Variants in THOC2 observed in about 807,000 individuals in gnomAD.
THOC2 encodes THO complex subunit 2.
THOC2 carries 10 observed loss-of-function variants against 128.4 expected under a neutral mutation model. The observed-to-expected ratio is 0.08, with a 90% CI of 0.05 to 0.13. The LOEUF is 0.13. Among genes scored for constraint, THOC2 ranks in the 10% least tolerant of loss-of-function variants. The pLI is 1.00. For synonymous variants in THOC2, 393 were observed against 396.9 expected, an observed-to-expected ratio of 0.99 and a Z score of 0.12; for missense variants, 535 against 1,155.7, an observed-to-expected ratio of 0.46 and a Z score of 7.79.
At chrX:123,695,090 G>T (rs2050397783) in intron 7 of THOC2, among the ~76,000 whole-genome samples, 1 of 112,119 alleles carries the variant, frequency 8.9e-6, no homozygotes, top group Non-Finnish European at 1.9e-5. Context: ...AGGAGATAAG[G>T]ATTGGGACAC....
At chrX:123,639,259 G>T (rs934211339) in intron 16 of THOC2, among the ~76,000 whole-genome samples, 5 of 111,224 alleles carry the variant, frequency 4.5e-5, no homozygotes, top group African/African-American at 1.3e-4. Context: ...ACATTTTTCA[G>T]TTAGAAAATA....
At chrX:123,720,450 G>A (rs769861995) in intron 1 of THOC2, among the ~76,000 whole-genome samples, 1 of 110,836 alleles carries the variant, frequency 9.0e-6, no homozygotes, top group Admixed American at 9.7e-5. Context: ...CCTATCTCTC[G>A]AAAAAAATTA....
rs779828042 is a variant in THOC2 at position 123,614,041 on chromosome X, A to T, written c.4449+11T>A. 17 of 1,194,709 alleles carry T rather than the reference A, an allele frequency of 1.4e-5. No individual in the cohort carries two copies. The highest frequency in any genetic ancestry group is 1.2e-4 in the East Asian group (4 of 33,662). On this transcript the variant is annotated intron_variant, in intron 34 of 38. Transcript: ENST00000245838. ...AGCTTTCCAAACTAGTTTAAAAAAA[A>T]TTTTACAAACCCTTTTCCGCTCTTT...
At chrX:123,636,038 T>C in intron 19 of THOC2, 41 bp downstream of exon 19, 1 of 1,074,465 alleles carries the variant, frequency 9.3e-7, no homozygotes, top group Non-Finnish European at 1.3e-6. Context: ...CCACCAAAAG[T>C]ACTCTATTGA....
At chrX:123,714,980 C>G (rs2051342871) in intron 1 of THOC2, among the ~76,000 whole-genome samples, 1 of 104,837 alleles carries the variant, frequency 9.5e-6, no homozygotes, top group South Asian at 4.1e-4. Context: ...TGAGATATAC[C>G]AAAAGCGGTT....
At chrX:123,720,190 A>C (rs766221265) in intron 1 of THOC2, among the ~76,000 whole-genome samples, 9 of 110,812 alleles carry the variant, frequency 8.1e-5, no homozygotes, top group Non-Finnish European at 1.5e-4. Flanking sequence ...TCACACCTGC[A>C]ATCCCAGTCT....
intron 1 of THOC2, among the ~76,000 whole-genome samples, chrX:123,724,646 C>T (rs894049800): frequency 9.0e-6 from 1 of 111,085 alleles, no homozygotes; most frequent in Non-Finnish European, 1.9e-5. Flanking sequence ...GACTGCATCA[C>T]CGCACTCCAA....
intron 20 of THOC2, 89 bp downstream of exon 20, chrX:123,633,864 A>T (rs1051927136): frequency 2.3e-5 from 13 of 567,052 alleles, no homozygotes; most frequent in Non-Finnish European, 3.6e-5. Context: ...ATTTGGTTTT[A>T]TAAACTTACA....
intron 2 of THOC2, among the ~76,000 whole-genome samples, chrX:123,710,849 G>A (rs1306305393): frequency 9.5e-6 from 1 of 105,746 alleles, no homozygotes; most frequent in South Asian, 4.5e-4. Context: ...AGTTCGCCGG[G>A]CGTGGTGGCG....
chrX:123,665,480 C>T (rs1005029203), intron 12 of THOC2, among the ~76,000 whole-genome samples, 162 bp downstream of exon 12: 1 of 112,005 alleles, frequency 8.9e-6, no homozygotes, highest in African/African-American at 3.2e-5. Flanking sequence ...CAACACTTGA[C>T]TGCATATGGT....
chrX:123,610,781 C>T lies in THOC2; in HGVS notation c.*18+137G>A, dbSNP rs767577351. 5 of 477,650 alleles carry T rather than the reference C, an allele frequency of 1.0e-5. No individual in the cohort carries two copies. In the East Asian group the frequency reaches 2.2e-4, roughly 21 times the overall value. The allele number at this position is 477,650 out of a possible 1,213,427, so 39.4% of individuals were successfully genotyped here. On this transcript the variant is annotated intron_variant, in intron 38 of 38. Coordinates refer to ENST00000245838, the MANE Select transcript of THOC2 (RefSeq NM_001081550.2). ...CTCTGAATCTTGTTTTGCATCTATA[C>T]CCGAAGACTTGGTCGTTATATTTAG...
intron 34 of THOC2, 51 bp downstream of exon 34, chrX:123,614,001 G>GT: frequency 9.0e-7 from 1 of 1,110,407 alleles, no homozygotes; most frequent in Non-Finnish European, 1.2e-6. Context: ...ATACACACTG[G>GT]TGTACATGAT....
chrX:123,620,809 C>T (rs1165240875), intron 32 of THOC2, 98 bp downstream of exon 32: 10 of 795,685 alleles, frequency 1.3e-5, no homozygotes, highest in Non-Finnish European at 1.8e-5. Context: ...CCAGTGGCTC[C>T]AGTGAATGCT....
chrX:123,645,413 G>C (rs1241733221), intron 12 of THOC2, 38 bp from the exon 13 acceptor site: 3 of 873,753 alleles, frequency 3.4e-6, no homozygotes, highest in Non-Finnish European at 4.8e-6. Context: ...AATACAAAAA[G>C]GTTAAGATTA....
At chrX:123,685,540 ATATC>A (rs1208460055) in intron 8 of THOC2, among the ~76,000 whole-genome samples, 6 of 111,937 alleles carry the variant, frequency 5.4e-5, no homozygotes, top group African/African-American at 1.9e-4. Flanking sequence ...AGCAATATCT[ATATC>A]TAAGTTCAAG....
chrX:123,732,599 G>A (rs1049981553), intron 1 of THOC2, among the ~76,000 whole-genome samples: 4 of 112,018 alleles, frequency 3.6e-5, no homozygotes, highest in African/African-American at 1.3e-4. Context: ...CCCCGGCTCA[G>A]CCCCATAAAG....
intron 12 of THOC2, among the ~76,000 whole-genome samples, chrX:123,657,416 GTAAA>G (rs764312246): frequency 1.6e-4 from 17 of 109,606 alleles, no homozygotes; most frequent in Non-Finnish European, 3.0e-4. Flanking sequence ...GATGCAAAAA[GTAAA>G]TAAATAAATA....
At chrX:123,701,106 A>G (rs1923877291) in intron 4 of THOC2, among the ~76,000 whole-genome samples, 1 of 111,528 alleles carries the variant, frequency 9.0e-6, no homozygotes, top group South Asian at 3.8e-4. Context: ...TAATCCCAGC[A>G]CTGTGGGAGG....
intron 12 of THOC2, among the ~76,000 whole-genome samples, chrX:123,658,937 C>G (rs1400087311): frequency 1.8e-5 from 2 of 111,742 alleles, no homozygotes; most frequent in East Asian, 5.6e-4. Flanking sequence ...AATCTTTGTG[C>G]CTTCCTCTGG....
Sources: gnomAD v4.1 joint callset for allele counts (sites outside exome capture counted in the v4.1 genomes callset) on GRCh38, gnomAD v4.1.1 for gene constraint, MANE v1.5 for transcripts, NCBI Gene and HGNC (gene_info 2026-07-23, HGNC 2026-07-21) for gene names.